PAPPA2: variants seen among roughly 807,000 people sequenced by gnomAD.
PAPPA2 encodes pappalysin 2, also known as pappalysin-2.
A neutral mutation model predicts 176.4 loss-of-function variants in PAPPA2; 86 were observed. That is an observed-to-expected ratio of 0.49 (90% confidence interval 0.41 to 0.58). PAPPA2 has a LOEUF of 0.58. PAPPA2 is among the 20% of genes least tolerant of loss of function. The probability of loss-of-function intolerance (pLI) is 0.00; values close to 1 mark genes in which losing one functional copy is unlikely to be tolerated. For missense variants in PAPPA2, 2,073 were observed against 2,256.9 expected, an observed-to-expected ratio of 0.92 and a Z score of 1.65; for synonymous variants, 809 against 852.2, an observed-to-expected ratio of 0.95 and a Z score of 0.88.
chr1:176,659,987 A>T (rs1241855477), intron 3 of PAPPA2, among the ~76,000 whole-genome samples: 1 of 152,124 alleles, frequency 6.6e-6, no homozygotes, highest in Non-Finnish European at 1.5e-5. Context: ...CAAATATTTA[A>T]ACAATTTTAA....
chr1:176,712,240 C>T (rs751446098), intron 12 of PAPPA2, among the ~76,000 whole-genome samples: 20 of 152,058 alleles, frequency 1.3e-4, no homozygotes, highest in Non-Finnish European at 2.5e-4. Context: ...CATAATAGCT[C>T]AATGAATTTT....
intron 2 of PAPPA2, among the ~76,000 whole-genome samples, chr1:176,578,106 C>G (rs752256128): frequency 2.6e-5 from 4 of 152,128 alleles, no homozygotes; most frequent in Admixed American, 6.5e-5. Context: ...GCATTTCTGC[C>G]TGGACCTTAT....
In PAPPA2 at chr1:176,776,456, G is replaced by A. The variant is rs114046610; in HGVS notation, c.4715+5276G>A. 2.1e-3 allele frequency among the ~76,000 whole-genome samples: 324 copies of A among 152,268 alleles called. 1 individual carries two copies. Among genetic ancestry groups the A allele is most frequent in the African/African-American group, 6.0e-3 (249 of 41,562 alleles). ...CAACTTTTCCAAAGTACGTAAATCT[G>A]TTTAAGTTCTATAAACACAAATGAA... On this transcript the variant is annotated intron_variant, in intron 17 of 22. Transcript: ENST00000367662.
chr1:176,476,174 G>A (rs1263794590), intron 1 of PAPPA2, among the ~76,000 whole-genome samples: 1 of 152,156 alleles, frequency 6.6e-6, no homozygotes, highest in Non-Finnish European at 1.5e-5. Context: ...CCAGTCTCAA[G>A]AAAGCCCCTG....
intron 3 of PAPPA2, among the ~76,000 whole-genome samples, chr1:176,609,969 C>G (rs1401503960): frequency 6.6e-6 from 1 of 152,096 alleles, no homozygotes; most frequent in Admixed American, 6.5e-5. Context: ...AGGTATTTAT[C>G]TCAGCATGGA....
chr1:176,554,972 A>AGTGTGTGTGT lies in PAPPA2; in HGVS notation c.-916-415_-916-406dup, dbSNP rs561289002. ...GCAGTAGGTAGATCTGTTCACAGTA[A>AGTGTGTGTGT]GTGTGTGTGTGTGTGTGTGTGTGTG... is the stretch of plus-strand genomic sequence containing the variant. On this transcript the variant is annotated intron_variant, in intron 1 of 22. Coordinates refer to ENST00000367662, the MANE Select transcript of PAPPA2 (RefSeq NM_020318.3). Among the ~76,000 whole-genome samples the AGTGTGTGTGT allele has an allele frequency of 2.4e-3, 339 of 140,874 alleles. 3 individuals are homozygous for AGTGTGTGTGT. Among genetic ancestry groups the AGTGTGTGTGT allele is most frequent in the Admixed American group, 1.2e-3 (17 of 13,640 alleles). 92.4% of individuals were successfully genotyped at this position (140,874 alleles called of 152,430 possible).
At chr1:176,467,294 G>A (rs938232419) in intron 1 of PAPPA2, among the ~76,000 whole-genome samples, 7 of 152,154 alleles carry the variant, frequency 4.6e-5, no homozygotes, top group African/African-American at 1.7e-4. Context: ...TGACAGAAAC[G>A]TTATGTGGCA....
rs530084594 is a variant in PAPPA2, at chr1:176,589,497, A to T, written c.920-5027A>T. On this transcript the variant is annotated intron_variant, in intron 2 of 22. Coordinates refer to ENST00000367662, the MANE Select transcript of PAPPA2 (RefSeq NM_020318.3). ...TTAAACAGTTTTAAATTTAGTAAATATATATGATGGAAGCCATTTGAGAAA... is the reference window on the plus strand; with the variant it reads ...TTAAACAGTTTTAAATTTAGTAAATTTATATGATGGAAGCCATTTGAGAAA... Among the ~76,000 whole-genome samples, 478 of 152,356 alleles carry T rather than the reference A, an allele frequency of 3.1e-3. 1 individual carries two copies. The highest frequency in any genetic ancestry group is 4.8e-3 in the Non-Finnish European group (328 of 68,036).
At chr1:176,817,610 G>A (rs1043402916) in intron 21 of PAPPA2, among the ~76,000 whole-genome samples, 4 of 151,990 alleles carry the variant, frequency 2.6e-5, no homozygotes, top group African/African-American at 9.7e-5. Flanking sequence ...AGTAATCATT[G>A]AAAGCTTTTC....
At chr1:176,569,454 T>C (rs966337168) in intron 2 of PAPPA2, among the ~76,000 whole-genome samples, 1 of 152,258 alleles carries the variant, frequency 6.6e-6, no homozygotes, top group Non-Finnish European at 1.5e-5. Context: ...AAGACTGATT[T>C]AGGTTTGCTT....
intron 1 of PAPPA2, among the ~76,000 whole-genome samples, chr1:176,536,630 A>G (rs1650077314): frequency 6.6e-6 from 1 of 152,216 alleles, no homozygotes; most frequent in African/African-American, 2.4e-5. Context: ...TTACTGTTCC[A>G]TGGTTCTCAT....
chr1:176,729,045 G>A (rs1013198255), intron 12 of PAPPA2, among the ~76,000 whole-genome samples: 5 of 151,674 alleles, frequency 3.3e-5, no homozygotes, highest in East Asian at 3.9e-4. Flanking sequence ...AAGCATTTAG[G>A]TTTTTTTCTC....
intron 3 of PAPPA2, among the ~76,000 whole-genome samples, chr1:176,618,620 A>G (rs1036213218): frequency 6.6e-6 from 1 of 152,212 alleles, no homozygotes; most frequent in Non-Finnish European, 1.5e-5. Context: ...GTAAACATAG[A>G]TGATGTCCAA....
intron 1 of PAPPA2, among the ~76,000 whole-genome samples, chr1:176,510,810 TACACAC>T (rs200808228): frequency 0.011 from 1,370 of 126,546 alleles, 14 homozygotes; most frequent in African/African-American, 0.026. Flanking sequence ...AAGCAACACA[TACACAC>T]ACACACACAC....
At chr1:176,598,369 C>G (rs1291527419) in intron 3 of PAPPA2, among the ~76,000 whole-genome samples, 5 of 152,078 alleles carry the variant, frequency 3.3e-5, no homozygotes, top group Non-Finnish European at 5.9e-5. Context: ...ATGATACAGA[C>G]AAGACTAACT....
intron 17 of PAPPA2, among the ~76,000 whole-genome samples, chr1:176,786,806 A>G (rs1664953937): frequency 6.6e-6 from 1 of 152,166 alleles, no homozygotes; most frequent in South Asian, 2.1e-4. Context: ...GTGGATAATA[A>G]CATTTACCTT....
intron 3 of PAPPA2, among the ~76,000 whole-genome samples, chr1:176,640,638 C>T (rs1046740267): frequency 1.3e-4 from 19 of 151,858 alleles, no homozygotes; most frequent in African/African-American, 2.4e-4. Context: ...TGAATAGTGC[C>T]GCAATAAATA....
intron 1 of PAPPA2, among the ~76,000 whole-genome samples, chr1:176,522,478 A>C (rs939941286): frequency 1.3e-5 from 2 of 152,182 alleles, no homozygotes; most frequent in Non-Finnish European, 2.9e-5. Flanking sequence ...TTTACCCTTC[A>C]TCCTAAGCAG....
intron 21 of PAPPA2, among the ~76,000 whole-genome samples, chr1:176,812,221 T>TG (rs5778913): frequency 0.15 from 23,292 of 150,812 alleles, 2,141 homozygotes; most frequent in South Asian, 0.34. Flanking sequence ...CTTTTTTTTT[T>TG]GGGGGGAGGG....
Sources: gnomAD v4.1 joint callset for allele counts (sites outside exome capture counted in the v4.1 genomes callset) on GRCh38, gnomAD v4.1.1 for gene constraint, MANE v1.5 for transcripts, NCBI Gene and HGNC (gene_info 2026-07-23, HGNC 2026-07-21) for gene names.